ROBO1: variants seen among roughly 807,000 people sequenced by gnomAD.
ROBO1 encodes roundabout guidance receptor 1, also known as roundabout homolog 1.
In ROBO1, 149 loss-of-function variants were observed where a neutral mutation model predicts 195.9. The observed-to-expected ratio is 0.76, with a 90% CI of 0.67 to 0.87. The LOEUF (loss-of-function observed/expected upper bound fraction) is 0.87, where lower values mean the gene tolerates loss of function less well. ROBO1 is among the 40% of genes least tolerant of loss of function. The pLI is 0.00. For missense variants in ROBO1, 1,933 were observed against 2,068.3 expected (o/e 0.93, Z 1.27); for synonymous variants, 816 against 733.2 (o/e 1.11, Z -1.82).
At chr3:79,004,118 C>G (rs1026851757) in intron 3 of ROBO1, among the ~76,000 whole-genome samples, 6 of 152,154 alleles carry the variant, frequency 3.9e-5, no homozygotes, top group African/African-American at 1.4e-4. Flanking sequence ...ACAAATATAA[C>G]TGTTGAGTGC....
intron 2 of ROBO1, among the ~76,000 whole-genome samples, chr3:79,429,051 G>A (rs751392067): frequency 3.9e-5 from 6 of 152,072 alleles, no homozygotes; most frequent in South Asian, 2.1e-4. Flanking sequence ...ATCACTTTAT[G>A]TATTTTCTAA....
At chr3:79,313,972 G>A (rs899664291) in intron 2 of ROBO1, among the ~76,000 whole-genome samples, 1 of 152,072 alleles carries the variant, frequency 6.6e-6, no homozygotes, top group Non-Finnish European at 1.5e-5. Context: ...CAGCAGCTTA[G>A]GCATTATTTA....
At chr3:78,647,505 T>C in intron 20 of ROBO1, 124 bp downstream of exon 20, 3 of 921,530 alleles carry the variant, frequency 3.3e-6, no homozygotes, top group Middle Eastern at 2.2e-4. Context: ...AAATCAAGTA[T>C]TACATTCCAC....
intron 2 of ROBO1, among the ~76,000 whole-genome samples, chr3:79,500,947 T>A (rs1458455055): frequency 6.6e-6 from 1 of 151,970 alleles, no homozygotes; most frequent in Admixed American, 6.6e-5. Flanking sequence ...TCTCTCTCTC[T>A]CACATCACCC....
At chr3:78,912,680 C>T (rs2038318962) in intron 4 of ROBO1, among the ~76,000 whole-genome samples, 1 of 151,954 alleles carries the variant, frequency 6.6e-6, no homozygotes, top group African/African-American at 2.4e-5. Flanking sequence ...GTGAAGCATC[C>T]ATGTGCAAAT....
intron 4 of ROBO1, among the ~76,000 whole-genome samples, chr3:78,877,466 A>T (rs2035923447): frequency 6.6e-6 from 1 of 152,182 alleles, no homozygotes. Flanking sequence ...TGAATGAAAA[A>T]AAAATAGTAC....
intron 1 of ROBO1, among the ~76,000 whole-genome samples, chr3:79,726,472 T>A (rs928706601): frequency 1.3e-5 from 2 of 152,212 alleles, no homozygotes; most frequent in African/African-American, 4.8e-5. Context: ...AATAAATGCT[T>A]GATGTTGAAA....
intron 3 of ROBO1, among the ~76,000 whole-genome samples, chr3:79,115,515 C>T (rs150707322): frequency 1.1e-3 from 160 of 152,178 alleles, no homozygotes; most frequent in African/African-American, 3.5e-3. Context: ...GGCTCATAAA[C>T]AGTGTTTCCA....
intron 4 of ROBO1, among the ~76,000 whole-genome samples, chr3:78,892,168 T>C (rs1408898943): frequency 1.3e-5 from 2 of 152,170 alleles, no homozygotes; most frequent in African/African-American, 4.8e-5. Flanking sequence ...GAGACCACCC[T>C]GGGCAACATG....
chr3:79,610,150 C>T (rs1178433820), intron 1 of ROBO1, among the ~76,000 whole-genome samples: 2 of 151,734 alleles, frequency 1.3e-5, no homozygotes, highest in Non-Finnish European at 2.9e-5. Context: ...TCAATACAGT[C>T]GTCTCTCTTT....
At chr3:79,429,857 T>C (rs959118932) in intron 2 of ROBO1, among the ~76,000 whole-genome samples, 22 of 152,102 alleles carry the variant, frequency 1.4e-4, no homozygotes, top group African/African-American at 5.3e-4. Flanking sequence ...AGTCTTTTGA[T>C]TTAATTGGTT....
chr3:79,025,628 T>C lies in ROBO1; in HGVS notation c.173-86701A>G, dbSNP rs113851306. On this transcript the variant is annotated intron_variant, in intron 3 of 30. Coordinates refer to ENST00000464233, the MANE Select transcript of ROBO1 (RefSeq NM_002941.4). ...TTCTCTAATATATAGTTCAACCACT[T>C]ATCTACTTCAATAGAGAACTAACTG... is the stretch of plus-strand genomic sequence containing the variant. Among the ~76,000 whole-genome samples, 94 of 92,546 alleles carry C rather than the reference T, an allele frequency of 1.0e-3. 1 individual carries two copies. Among genetic ancestry groups the C allele is most frequent in the African/African-American group, 3.8e-3 (89 of 23,614 alleles). 60.7% of individuals were successfully genotyped at this position (92,546 alleles called of 152,430 possible).
At chr3:78,711,348 C>CTCCTTTCTTTCTTCCTTCCT (rs1575992298) in intron 8 of ROBO1, among the ~76,000 whole-genome samples, 21 of 54,688 alleles carry the variant, frequency 3.8e-4, no homozygotes, top group South Asian at 8.7e-4. Flanking sequence ...TCCTTCCTTC[C>CTCCTTTCTTTCTTCCTTCCT]TCCTTCCTTC....
At chr3:79,478,646 A>G (rs764839908) in intron 2 of ROBO1, among the ~76,000 whole-genome samples, 2 of 151,696 alleles carry the variant, frequency 1.3e-5, no homozygotes, top group Non-Finnish European at 2.9e-5. Flanking sequence ...TATTTTACTC[A>G]TTTTTCTTCC....
intron 1 of ROBO1, among the ~76,000 whole-genome samples, chr3:79,714,395 T>C (rs1207625321): frequency 1.3e-5 from 2 of 152,118 alleles, no homozygotes; most frequent in Non-Finnish European, 2.9e-5. Context: ...TTTTACACTG[T>C]TGGTGGGAAT....
intron 2 of ROBO1, among the ~76,000 whole-genome samples, chr3:79,441,540 G>T (rs1014698210): frequency 6.6e-6 from 1 of 152,022 alleles, no homozygotes. Flanking sequence ...GAATAGATCT[G>T]TTTTATACAT....
At chr3:79,502,167 A>G (rs973068530) in intron 2 of ROBO1, among the ~76,000 whole-genome samples, 2 of 151,774 alleles carry the variant, frequency 1.3e-5, no homozygotes, top group African/African-American at 4.8e-5. Flanking sequence ...CGCTTGAGGA[A>G]CCCTTCAGCC....
At chr3:78,803,806 G>C (rs2108588905) in intron 4 of ROBO1, among the ~76,000 whole-genome samples, 1 of 152,006 alleles carries the variant, frequency 6.6e-6, no homozygotes, top group Middle Eastern at 3.4e-3. Flanking sequence ...AAAGCAAAGG[G>C]GATAAGGAAG....
intron 25 of ROBO1, among the ~76,000 whole-genome samples, chr3:78,628,564 T>C (rs1366105042): frequency 6.6e-6 from 1 of 152,326 alleles, no homozygotes; most frequent in South Asian, 2.1e-4. Flanking sequence ...AATGAAGTAC[T>C]ACATTATATA....
Sources: gnomAD v4.1 joint callset for allele counts (sites outside exome capture counted in the v4.1 genomes callset) on GRCh38, gnomAD v4.1.1 for gene constraint, MANE v1.5 for transcripts, NCBI Gene and HGNC (gene_info 2026-07-23, HGNC 2026-07-21) for gene names.